Variants in UBE3A observed in about 807,000 individuals in gnomAD.
UBE3A encodes the protein ubiquitin protein ligase E3A, also known as ubiquitin-protein ligase E3A.
In UBE3A, 6 loss-of-function variants were observed where a neutral mutation model predicts 83.4. The ratio of observed to expected loss-of-function variants is 0.07; its 90% CI spans 0.04 to 0.14. UBE3A has a LOEUF of 0.14. UBE3A is among the 10% of genes least tolerant of loss of function. The pLI is 1.00. For missense variants in UBE3A, 456 were observed against 1,036.1 expected (o/e 0.44, Z 7.69); for synonymous variants, 337 against 355.4 (o/e 0.95, Z 0.58).
intron 1 of UBE3A, among the ~76,000 whole-genome samples, chr15:25,429,128 T>C (rs1173427011): frequency 6.6e-6 from 1 of 152,182 alleles, no homozygotes; most frequent in Non-Finnish European, 1.5e-5. Flanking sequence ...TACATGTCTG[T>C]AAAAATTTAA....
rs2153157002 is a variant in UBE3A, at chr15:25,421,833, G to A, written c.-164-9862C>T. On this transcript the variant is annotated intron_variant, in intron 1 of 12. Coordinates refer to ENST00000648336, the MANE Select transcript of UBE3A (RefSeq NM_130839.5). ...ATCAAATGCTGACATTTGGAGAACT[G>A]GAACTCTCATACACTGATGATGGGA... 2.6e-5 allele frequency: 4 copies of A among 152,228 alleles called. 1 individual carries two copies. In the Middle Eastern group the frequency reaches 0.01, roughly 388 times the overall value. The allele number at this position is 152,228 out of a possible 1,614,324, so 9.4% of individuals were successfully genotyped here.
chr15:25,408,804 G>A (rs2089309264), intron 3 of UBE3A: 1 of 897,792 alleles, frequency 1.1e-6, no homozygotes, highest in African/African-American at 1.7e-5. Flanking sequence ...AATTTTTAAT[G>A]TTTTCTATAA....
At chr15:25,381,101 G>A (rs1307406324) in intron 4 of UBE3A, among the ~76,000 whole-genome samples, 1 of 152,118 alleles carries the variant, frequency 6.6e-6, no homozygotes. Flanking sequence ...AAATTAAGAT[G>A]GATTGATGGA....
chr15:25,355,783 T>C (rs2077137716), intron 9 of UBE3A, 109 bp downstream of exon 9: 1 of 1,080,632 alleles, frequency 9.3e-7, no homozygotes, highest in African/African-American at 1.6e-5. Context: ...CTTAGTTACT[T>C]GTTTTTTTTT....
chr15:25,430,992 A>C (rs992880799), intron 1 of UBE3A, among the ~76,000 whole-genome samples: 2 of 152,234 alleles, frequency 1.3e-5, no homozygotes, highest in Non-Finnish European at 2.9e-5. Flanking sequence ...ACTGAGCAAT[A>C]AATTTAAAGA....
intron 1 of UBE3A, among the ~76,000 whole-genome samples, chr15:25,432,778 G>A (rs1281544280): frequency 6.6e-6 from 1 of 152,152 alleles, no homozygotes; most frequent in Non-Finnish European, 1.5e-5. Context: ...TATCCTACTT[G>A]TATGAGTGTT....
Position 25,371,924 on chromosome 15 carries a change from T to C in UBE3A, c.362-112A>G. 9.6e-7 allele frequency: 1 copy of C among 1,037,110 alleles called. No homozygotes were observed. The highest frequency in any genetic ancestry group is 1.4e-6 in the Non-Finnish European group (1 of 726,944). The allele number at this position is 1,037,110 out of a possible 1,614,324, so 64.2% of individuals were successfully genotyped here. On this transcript the variant is annotated intron_variant, in intron 5 of 12. Transcript: ENST00000648336. The surrounding 1 kb of genome is among the most constrained non-coding windows in gnomAD (Gnocchi z 5.3). ...CAAACATTCTAGGCTCAATATCATT[T>C]ATGATATACAACTCTTAAAGTATCT...
intron 7 of UBE3A, chr15:25,357,493 T>C (rs2077382489): frequency 6.6e-6 from 1 of 152,328 alleles, no homozygotes; most frequent in Non-Finnish European, 1.5e-5. Context: ...GGACTACAGG[T>C]GTGCACCACC....
intron 1 of UBE3A, among the ~76,000 whole-genome samples, chr15:25,426,048 G>A (rs1012640200): frequency 9.2e-5 from 14 of 151,806 alleles, no homozygotes; most frequent in Admixed American, 9.2e-4. Context: ...TTTAAATAAG[G>A]TATGTTTATT....
intron 9 of UBE3A, among the ~76,000 whole-genome samples, chr15:25,355,619 C>CT (rs2077110523): frequency 2.6e-5 from 4 of 152,258 alleles, no homozygotes; most frequent in Middle Eastern, 3.4e-3. Flanking sequence ...AAGAAACACC[C>CT]TGCTTCTTGC....
At chr15:25,432,609 G>A (rs527692671) in intron 1 of UBE3A, among the ~76,000 whole-genome samples, 46 of 152,246 alleles carry the variant, frequency 3.0e-4, no homozygotes, top group African/African-American at 1.0e-3. Flanking sequence ...CGAAGACATG[G>A]GTCAAAAAAT....
In UBE3A at chr15:25,360,946, T is replaced by C. The variant is rs189438125; in HGVS notation, c.1609-419A>G. ...TAGAAACTCAAGGGTTAAGTCTTAG[T>C]ATCTACTAAGTCATAAGTAAAATAT... On this transcript the variant is annotated intron_variant, in intron 6 of 12. Coordinates refer to ENST00000648336, the MANE Select transcript of UBE3A (RefSeq NM_130839.5). Among the ~76,000 whole-genome samples, 438 of 152,282 alleles carry C rather than the reference T, an allele frequency of 2.9e-3. 1 individual carries two copies. Among genetic ancestry groups the C allele is most frequent in the Non-Finnish European group, 4.9e-3 (330 of 68,028 alleles).
At chr15:25,418,459 G>A (rs1459580261) in intron 1 of UBE3A, 1 of 151,996 alleles carries the variant, frequency 6.6e-6, no homozygotes, top group Non-Finnish European at 1.5e-5. Context: ...TCAACAATAT[G>A]GATGAATCTC....
intron 1 of UBE3A, chr15:25,419,488 G>C (rs1322194754): frequency 6.6e-6 from 1 of 151,992 alleles, no homozygotes; most frequent in African/African-American, 2.4e-5. Flanking sequence ...TTTGTAGCCA[G>C]TAGACCTATA....
chr15:25,348,368 C>G (rs888185060), intron 11 of UBE3A, among the ~76,000 whole-genome samples: 3 of 152,086 alleles, frequency 2.0e-5, no homozygotes, highest in Admixed American at 2.0e-4. Context: ...TTTTTAATCC[C>G]AGAGAAATAC....
At chr15:25,392,677 C>G (rs1442581536) in intron 4 of UBE3A, among the ~76,000 whole-genome samples, 1 of 152,054 alleles carries the variant, frequency 6.6e-6, no homozygotes, top group East Asian at 1.9e-4. Flanking sequence ...GCTGATGACA[C>G]TATGGGTGGG....
chr15:25,432,067 T>A (rs1184844041), intron 1 of UBE3A, among the ~76,000 whole-genome samples: 1 of 152,130 alleles, frequency 6.6e-6, no homozygotes, highest in Non-Finnish European at 1.5e-5. Context: ...GACAAAAAAG[T>A]ATTTGTTGGA....
At chr15:25,413,646 TC>T (rs1229369827) in intron 1 of UBE3A, among the ~76,000 whole-genome samples, 1 of 152,132 alleles carries the variant, frequency 6.6e-6, no homozygotes, top group Non-Finnish European at 1.5e-5. Context: ...CTCCATTAGC[TC>T]CTCAGAGTAC....
intron 4 of UBE3A, among the ~76,000 whole-genome samples, chr15:25,403,266 C>G (rs1157156361): frequency 6.6e-6 from 1 of 152,226 alleles, no homozygotes; most frequent in African/African-American, 2.4e-5. Context: ...TGATCCACTT[C>G]TTCACCCATT....
Sources: allele counts gnomAD v4.1 joint callset (sites outside exome capture counted in the v4.1 genomes callset), GRCh38; gene constraint gnomAD v4.1.1; non-coding constraint Gnocchi (gnomAD v3.1); transcripts MANE v1.5; gene names NCBI Gene and HGNC (gene_info 2026-07-23, HGNC 2026-07-21).